KIAA1958: variants seen among roughly 807,000 people sequenced by gnomAD.
The protein encoded by KIAA1958 is uncharacterized protein KIAA1958.
A neutral mutation model predicts 47.2 loss-of-function variants in KIAA1958; 14 were observed. The ratio of observed to expected loss-of-function variants is 0.30; its 90% CI spans 0.20 to 0.46. The LOEUF (loss-of-function observed/expected upper bound fraction) is 0.46, where lower values mean the gene tolerates loss of function less well. Among genes scored for constraint, KIAA1958 ranks in the 20% least tolerant of loss-of-function variants. The pLI is 1.00. For missense variants in KIAA1958, 803 were observed against 909.2 expected (o/e 0.88, Z 1.50); for synonymous variants, 354 against 353.3 (o/e 1.00, Z -0.02).
intron 1 of KIAA1958, among the ~76,000 whole-genome samples, chr9:112,530,341 G>A (rs994251710): frequency 2.6e-5 from 4 of 152,104 alleles, no homozygotes; most frequent in Admixed American, 6.5e-5. Flanking sequence ...ACTGACTCCT[G>A]TGTCCCTTTG....
chr9:112,561,159 A>G (rs1175985758), intron 1 of KIAA1958, among the ~76,000 whole-genome samples: 1 of 149,978 alleles, frequency 6.7e-6, no homozygotes. Context: ...GGTTGACGCC[A>G]TTCTCCTGCC....
At chr9:112,518,509 G>T (rs897892473) in intron 1 of KIAA1958, among the ~76,000 whole-genome samples, 8 of 152,186 alleles carry the variant, frequency 5.3e-5, no homozygotes, top group Non-Finnish European at 1.0e-4. Flanking sequence ...TCTAGAAAAT[G>T]CAAACTAATT....
chr9:112,567,389 T>G (rs370168251), intron 1 of KIAA1958, among the ~76,000 whole-genome samples: 1 of 152,196 alleles, frequency 6.6e-6, no homozygotes, highest in African/African-American at 2.4e-5. Context: ...CTTCCTGATG[T>G]TCTCTGCCAT....
chr9:112,487,440 G>A (rs1833879439), intron 1 of KIAA1958, among the ~76,000 whole-genome samples: 1 of 151,920 alleles, frequency 6.6e-6, no homozygotes, highest in Non-Finnish European at 1.5e-5. Context: ...GGCTGCAGGC[G>A]CAGTGCGTGG....
intron 1 of KIAA1958, among the ~76,000 whole-genome samples, chr9:112,557,651 G>C (rs967014196): frequency 6.6e-6 from 1 of 152,160 alleles, no homozygotes; most frequent in Non-Finnish European, 1.5e-5. Context: ...GATGAACCTA[G>C]TTTTAAGGTC....
intron 2 of KIAA1958, among the ~76,000 whole-genome samples, chr9:112,595,172 C>T (rs1835996673): frequency 1.3e-5 from 2 of 152,044 alleles, no homozygotes; most frequent in South Asian, 2.1e-4. Context: ...TATTAATTTC[C>T]ATATAAAAGG....
At chr9:112,603,800 A>G (rs1401557032) in intron 2 of KIAA1958, among the ~76,000 whole-genome samples, 1 of 152,218 alleles carries the variant, frequency 6.6e-6, no homozygotes, top group African/African-American at 2.4e-5. Flanking sequence ...TGGATTAAAT[A>G]TTTATCTCAG....
intron 2 of KIAA1958, among the ~76,000 whole-genome samples, chr9:112,594,417 C>T (rs1835980558): frequency 6.6e-6 from 1 of 152,206 alleles, no homozygotes; most frequent in African/African-American, 2.4e-5. Context: ...CTTACTCCCT[C>T]CTCAGCCCCT....
At chr9:112,563,085 C>CTCTCTCTATA (rs10655286) in intron 1 of KIAA1958, among the ~76,000 whole-genome samples, 2,056 of 131,494 alleles carry the variant, frequency 0.016, 25 homozygotes, top group East Asian at 0.031. Flanking sequence ...CTCTCTCTCT[C>CTCTCTCTATA]TATATATATA....
At chr9:112,570,015 A>G (rs1245588689) in intron 1 of KIAA1958, among the ~76,000 whole-genome samples, 2 of 152,226 alleles carry the variant, frequency 1.3e-5, no homozygotes, top group African/African-American at 4.8e-5. Flanking sequence ...TAACAGGGAC[A>G]TGAATTGTAT....
intron 2 of KIAA1958, among the ~76,000 whole-genome samples, chr9:112,592,023 G>A (rs1328600487): frequency 1.3e-5 from 2 of 152,060 alleles, no homozygotes; most frequent in Non-Finnish European, 2.9e-5. Flanking sequence ...GGGTTAGACC[G>A]CACAGGCTAA....
intron 2 of KIAA1958, among the ~76,000 whole-genome samples, chr9:112,588,321 A>T (rs578157642): frequency 6.6e-6 from 1 of 152,294 alleles, no homozygotes; most frequent in Admixed American, 6.5e-5. Context: ...GCAGTCAGAG[A>T]AGAATGTTTC....
chr9:112,598,592 T>C (rs1289882474), intron 2 of KIAA1958, among the ~76,000 whole-genome samples: 1 of 152,202 alleles, frequency 6.6e-6, no homozygotes, highest in Non-Finnish European at 1.5e-5. Context: ...TATTCAAGTC[T>C]TAAAATCTGT....
intron 1 of KIAA1958, among the ~76,000 whole-genome samples, chr9:112,547,075 G>C (rs1290585660): frequency 2.0e-5 from 3 of 151,914 alleles, no homozygotes; most frequent in Non-Finnish European, 4.4e-5. Flanking sequence ...TGGGACCACA[G>C]GCGCATGCCA....
At chr9:112,499,832 G>T (rs1241557585) in intron 1 of KIAA1958, among the ~76,000 whole-genome samples, 2 of 151,444 alleles carry the variant, frequency 1.3e-5, no homozygotes, top group Non-Finnish European at 2.9e-5. Flanking sequence ...GGGACTACAG[G>T]CGCCCACCAC....
intron 1 of KIAA1958, among the ~76,000 whole-genome samples, chr9:112,559,519 G>T (rs1564172112): frequency 6.6e-6 from 1 of 152,210 alleles, no homozygotes; most frequent in Non-Finnish European, 1.5e-5. Context: ...TTGATATAGA[G>T]GTTATTGGTG....
chr9:112,610,731 T>C (rs1163673523), intron 2 of KIAA1958, among the ~76,000 whole-genome samples: 3 of 152,212 alleles, frequency 2.0e-5, no homozygotes, highest in Non-Finnish European at 4.4e-5. Flanking sequence ...ATTTCAAGTA[T>C]AGTTAATACT....
intron 2 of KIAA1958, among the ~76,000 whole-genome samples, chr9:112,606,760 TTCTTTATAGA>T (rs1266066814): frequency 1.3e-5 from 2 of 152,196 alleles, no homozygotes; most frequent in African/African-American, 4.8e-5. Context: ...ATTAAAACCC[TTCTTTATAGA>T]TCAGAAAGCA....
intron 2 of KIAA1958, among the ~76,000 whole-genome samples, chr9:112,581,591 G>A (rs1306001744): frequency 4.6e-5 from 7 of 152,180 alleles, no homozygotes; most frequent in African/African-American, 1.7e-4. Context: ...AGATTAATAG[G>A]AAAGTCTAGA....
Sources: gnomAD v4.1 joint callset for allele counts (sites outside exome capture counted in the v4.1 genomes callset) on GRCh38, gnomAD v4.1.1 for gene constraint, MANE v1.5 for transcripts, NCBI Gene and HGNC (gene_info 2026-07-23, HGNC 2026-07-21) for gene names.